KIFAP3: variants seen among roughly 807,000 people sequenced by gnomAD.
KIFAP3 encodes kinesin-associated protein 3.
KIFAP3 carries 68 observed loss-of-function variants against 106.5 expected under a neutral mutation model. The observed-to-expected ratio is 0.64, with a 90% CI of 0.53 to 0.78. The LOEUF is 0.78. Ranked by LOEUF, KIFAP3 falls within the 30% of genes least tolerant of loss-of-function variation. The probability of loss-of-function intolerance (pLI) is 0.00; values close to 1 mark genes in which losing one functional copy is unlikely to be tolerated. For synonymous variants in KIFAP3, 320 were observed against 311.5 expected, an observed-to-expected ratio of 1.03 and a Z score of -0.29; for missense variants, 780 against 941.8, an observed-to-expected ratio of 0.83 and a Z score of 2.25.
intron 19 of KIFAP3, among the ~76,000 whole-genome samples, chr1:169,935,962 T>C (rs1179651519): frequency 1.3e-5 from 2 of 151,922 alleles, no homozygotes; most frequent in African/African-American, 4.8e-5. Flanking sequence ...TATTGGAAGA[T>C]TGTGTGTTAG....
chr1:169,928,928 C>G (rs1222730089), intron 19 of KIFAP3, among the ~76,000 whole-genome samples: 1 of 152,022 alleles, frequency 6.6e-6, no homozygotes, highest in Non-Finnish European at 1.5e-5. Context: ...CTATCTTCTA[C>G]AGGGCTGAAC....
intron 19 of KIFAP3, among the ~76,000 whole-genome samples, chr1:169,932,103 C>A (rs563651125): frequency 2.0e-5 from 3 of 152,274 alleles, no homozygotes; most frequent in African/African-American, 7.2e-5. Context: ...TGCTATGATA[C>A]TTAAAACCTC....
chr1:169,988,786 T>C (rs1269476822), intron 11 of KIFAP3, among the ~76,000 whole-genome samples: 1 of 151,952 alleles, frequency 6.6e-6, no homozygotes, highest in Non-Finnish European at 1.5e-5. Flanking sequence ...TATGTAAAAT[T>C]TGGCACTATA....
intron 10 of KIFAP3, among the ~76,000 whole-genome samples, chr1:170,015,576 A>G (rs1307423257): frequency 6.6e-6 from 1 of 152,240 alleles, no homozygotes; most frequent in East Asian, 1.9e-4. Flanking sequence ...GAGTTAAGAC[A>G]TAAGTAACAA....
At chr1:169,968,016 G>GT in intron 17 of KIFAP3, among the ~76,000 whole-genome samples, 1 of 151,946 alleles carries the variant, frequency 6.6e-6, no homozygotes, top group East Asian at 1.9e-4. Flanking sequence ...TAGGATTATA[G>GT]TTTTTTCTTC....
chr1:170,002,891 A>C (rs1320643245), intron 10 of KIFAP3, among the ~76,000 whole-genome samples: 1 of 152,116 alleles, frequency 6.6e-6, no homozygotes, highest in East Asian at 1.9e-4. Context: ...TCTGCTTATA[A>C]ATGAGCTAAG....
intron 14 of KIFAP3, 100 bp downstream of exon 14, chr1:169,982,602 C>T (rs763893769): frequency 2.4e-5 from 18 of 751,982 alleles, no homozygotes; most frequent in Non-Finnish European, 3.4e-5. Context: ...ATGGCTTTTC[C>T]TAACATAATA....
At chr1:169,930,585 A>G (rs921058387) in intron 19 of KIFAP3, among the ~76,000 whole-genome samples, 3 of 152,206 alleles carry the variant, frequency 2.0e-5, no homozygotes, top group African/African-American at 7.2e-5. Context: ...AGGGTCTTTG[A>G]GCACAGACAG....
intron 19 of KIFAP3, among the ~76,000 whole-genome samples, chr1:169,948,922 A>T (rs1040070248): frequency 6.6e-6 from 1 of 152,036 alleles, no homozygotes; most frequent in African/African-American, 2.4e-5. Flanking sequence ...TTGCTTTCTC[A>T]AGGGAAAAAA....
intron 10 of KIFAP3, among the ~76,000 whole-genome samples, chr1:170,010,456 T>C (rs1033252650): frequency 6.6e-6 from 1 of 152,018 alleles, no homozygotes; most frequent in Non-Finnish European, 1.5e-5. Flanking sequence ...TTTGGTTCTA[T>C]TGAATTACAG....
intron 19 of KIFAP3, among the ~76,000 whole-genome samples, chr1:169,945,104 G>A (rs56802002): frequency 0.018 from 2,789 of 151,060 alleles, 72 homozygotes; most frequent in African/African-American, 0.063. Context: ...CCCTGAGCTT[G>A]TAGGTGCCCA....
At chr1:170,049,565 T>C (rs968299501) in intron 2 of KIFAP3, among the ~76,000 whole-genome samples, 12 of 152,184 alleles carry the variant, frequency 7.9e-5, no homozygotes, top group Non-Finnish European at 1.3e-4. Context: ...CAGGGGTTGA[T>C]AGACACCTCA....
chr1:170,075,764 A>T (rs1220954012), upstream of KIFAP3, among the ~76,000 whole-genome samples: 2 of 152,198 alleles, frequency 1.3e-5, no homozygotes, highest in Non-Finnish European at 2.9e-5. Context: ...CCTCTGTATC[A>T]TGCCCTCTTA....
chr1:170,075,044 A>G (rs914650259), upstream of KIFAP3, among the ~76,000 whole-genome samples: 1 of 152,252 alleles, frequency 6.6e-6, no homozygotes, highest in African/African-American at 2.4e-5. Flanking sequence ...TGACCGTTGT[A>G]CAAAATGGAT....
At chr1:170,036,576 T>A (rs1030834825) in intron 5 of KIFAP3, among the ~76,000 whole-genome samples, 2 of 152,118 alleles carry the variant, frequency 1.3e-5, no homozygotes, top group Non-Finnish European at 2.9e-5. Context: ...CAATGCATAT[T>A]AACAGCAAAG....
At chr1:170,048,668 T>C (rs1449348635) in intron 2 of KIFAP3, among the ~76,000 whole-genome samples, 2 of 151,324 alleles carry the variant, frequency 1.3e-5, no homozygotes, top group Admixed American at 6.6e-5. Flanking sequence ...GGTTAGGCAG[T>C]GGGTACAACC....
intron 15 of KIFAP3, among the ~76,000 whole-genome samples, chr1:169,980,280 A>G (rs1215472114): frequency 6.6e-6 from 1 of 152,206 alleles, no homozygotes; most frequent in African/African-American, 2.4e-5. Flanking sequence ...AAATTAACAC[A>G]AAATGCACAT....
chr1:169,963,734 T>A (rs1362641459), intron 17 of KIFAP3, among the ~76,000 whole-genome samples: 1 of 152,162 alleles, frequency 6.6e-6, no homozygotes, highest in Non-Finnish European at 1.5e-5. Flanking sequence ...CCTCAGGTAA[T>A]CTGCCTGCCT....
chr1:170,023,902 G>A (rs1465885590), intron 9 of KIFAP3, among the ~76,000 whole-genome samples: 1 of 151,926 alleles, frequency 6.6e-6, no homozygotes, highest in Non-Finnish European at 1.5e-5. Context: ...TAATACAATG[G>A]CACTAGAATG....
Sources: allele counts gnomAD v4.1 joint callset (sites outside exome capture counted in the v4.1 genomes callset), GRCh38; gene constraint gnomAD v4.1.1; transcripts MANE v1.5; gene names NCBI Gene and HGNC (gene_info 2026-07-23, HGNC 2026-07-21).